The following MTOR variants were observed in gnomAD, a reference collection of about 807,000 sequenced individuals.
MTOR encodes mechanistic target of rapamycin kinase.
In MTOR, 70 loss-of-function variants were observed where a neutral mutation model predicts 319.8. The ratio of observed to expected loss-of-function variants is 0.22; its 90% CI spans 0.18 to 0.27. MTOR has a LOEUF of 0.27. MTOR is among the 10% of genes least tolerant of loss of function. MTOR has a pLI of 1.00. For synonymous variants in MTOR, 1,183 were observed against 1,211.4 expected, an observed-to-expected ratio of 0.98 and a Z score of 0.49; for missense variants, 1,890 against 3,274.4, an observed-to-expected ratio of 0.58 and a Z score of 10.32.
chr1:11,260,093 T>C (rs1216882464), intron 1 of MTOR, among the ~76,000 whole-genome samples: 1 of 152,232 alleles, frequency 6.6e-6, no homozygotes, highest in Non-Finnish European at 1.5e-5. Flanking sequence ...TAATAATTGT[T>C]AGCTATTATT....
In MTOR at chr1:11,129,899, G is replaced by T; in HGVS notation, c.5614-61C>A. 7.1e-7 allele frequency: 1 copy of T among 1,405,026 alleles called. No individual in the cohort carries two copies. The highest frequency in any genetic ancestry group is 1.2e-5 in the South Asian group (1 of 85,074). The allele number at this position is 1,405,026 out of a possible 1,614,324, so 87.0% of individuals were successfully genotyped here. A position where few individuals can be genotyped will look rare whatever the true frequency, so the allele number is the denominator to read the frequency against. ...CTCTGCTTTCTCATCTGTAAAATGG[G>T]CATAAGAGCATACTAACTGTACCTA... is the stretch of plus-strand genomic sequence containing the variant. On this transcript the variant is annotated intron_variant, in intron 39 of 57. Coordinates refer to ENST00000361445, the MANE Select transcript of MTOR (RefSeq NM_004958.4). This position sits in a 1 kb window ranked among gnomAD's most constrained non-coding sequence, Gnocchi z 4.7.
rs578137273 is a variant in MTOR at position 11,135,636 on chromosome 1, C to G, written c.5131-1170G>C. On this transcript the variant is annotated intron_variant, in intron 36 of 57. Coordinates refer to ENST00000361445, the MANE Select transcript of MTOR (RefSeq NM_004958.4). ...ATCACCTGAGGTCAGGAGTTCCAGA[C>G]CAGCCTGGCCAACATGGTGAAACCT... 1.7e-4 allele frequency among the ~76,000 whole-genome samples: 26 copies of G among 152,076 alleles called. No individual in the cohort carries two copies. In the East Asian group the frequency reaches 4.6e-3, roughly 27 times the overall value.
In MTOR at chr1:11,133,032, C is replaced by G. The variant is rs145092514; in HGVS notation, c.5364+48G>C. On this transcript the variant is annotated intron_variant, in intron 38 of 57. Coordinates refer to ENST00000361445, the MANE Select transcript of MTOR (RefSeq NM_004958.4). The surrounding 1 kb of genome is among the most constrained non-coding windows in gnomAD (Gnocchi z 4.0). ...GTAACCACGAGCACACAGGAGGACA[C>G]GAGCCAGCCAGGGTGCTGGGTCTCA... 5.8e-5 allele frequency: 89 copies of G among 1,530,226 alleles called. No individual in the cohort carries two copies. The highest frequency in any genetic ancestry group is 7.3e-5 in the Non-Finnish European group (81 of 1,105,684). 94.8% of individuals were successfully genotyped at this position (1,530,226 alleles called of 1,614,324 possible).
At chr1:11,237,056 T>G (rs778041141) in intron 13 of MTOR, among the ~76,000 whole-genome samples, 1 of 152,212 alleles carries the variant, frequency 6.6e-6, no homozygotes. Flanking sequence ...TTTAAGTTCC[T>G]TATATGTTAT....
At position 11,194,985 on chromosome 1, in the gene MTOR, G is replaced by T; in HGVS notation, c.4253+4273C>A. The T allele has an allele frequency of 1.2e-6, 2 of 1,614,044 alleles. No homozygotes were observed. Among genetic ancestry groups the T allele is most frequent in the Non-Finnish European group, 1.7e-6 (2 of 1,180,022 alleles). ...TGGATCTACCTACTCCCTCAAACGG[G>T]TGGAGATGAAAATCCGCCCAGAAGA... is the stretch of plus-strand genomic sequence containing the variant. On this transcript the variant is annotated intron_variant, in intron 28 of 57. Transcript: ENST00000361445.
In MTOR at chr1:11,115,347, A is replaced by G. The variant is rs376507862; in HGVS notation, c.7089+49T>C. ...GCCTACAGTGTCAGAGGAGGGGGAA[A>G]AGTGATCACCCGGGAAGATGAGGTT... On this transcript the variant is annotated intron_variant, in intron 51 of 57. Coordinates refer to ENST00000361445, the MANE Select transcript of MTOR (RefSeq NM_004958.4). The surrounding 1 kb of genome is among the most constrained non-coding windows in gnomAD (Gnocchi z 4.5). 3.3e-4 allele frequency: 524 copies of G among 1,577,770 alleles called. 2 individuals are homozygous for G. Among genetic ancestry groups the G allele is most frequent in the South Asian group, 8.7e-4 (79 of 90,288 alleles).
intron 21 of MTOR, 42 bp downstream of exon 21, chr1:11,213,357 G>A (rs1427268088): frequency 1.9e-6 from 3 of 1,587,458 alleles, no homozygotes; most frequent in Non-Finnish European, 2.6e-6. Flanking sequence ...GGACTCAGAG[G>A]AAATCAGAAA....
Position 11,109,499 on chromosome 1 carries a change from T to A in MTOR, c.7448-129A>T. 8.2e-7 allele frequency: 1 copy of A among 1,214,126 alleles called. No homozygotes were observed. Among genetic ancestry groups the A allele is most frequent in the Admixed American group, 2.0e-5 (1 of 49,968 alleles). The allele number at this position is 1,214,126 out of a possible 1,614,324, so 75.2% of individuals were successfully genotyped here. Reference sequence around the variant, plus strand: ...AATCCTTCCTCTATGTCCGTCTTTGTCCTCAGAATATAATGAGAAATTCAT... The same window carrying A: ...AATCCTTCCTCTATGTCCGTCTTTGACCTCAGAATATAATGAGAAATTCAT... On this transcript the variant is annotated intron_variant, in intron 55 of 57. Coordinates refer to ENST00000361445, the MANE Select transcript of MTOR (RefSeq NM_004958.4). The surrounding 1 kb of genome is among the most constrained non-coding windows in gnomAD (Gnocchi z 4.0).
In MTOR at chr1:11,259,262, T is replaced by C. The variant is rs1165696382; in HGVS notation, c.148A>G (p.Met50Val). ...CCCAGAAGCACCTCTCGGAGTTCCA[T>C]GGTGACATAGTGCTGGAGCTCCTTG... is the stretch of plus-strand genomic sequence containing the variant. ...AAKELQHYVT[M>V]ELREMSQEES... The change falls in exon 2 of 58, where the codon ATG (methionine) becomes GTG (valine). Residue 50 changes from methionine (M) to valine (V), a missense_variant. Met to Val is a conservative substitution (Grantham distance 21). This residue lies in a region of MTOR where 85 missense variants were observed against 105.8 expected (regional missense o/e 0.80). Coordinates refer to ENST00000361445, the MANE Select transcript of MTOR (RefSeq NM_004958.4). 3 of 1,613,882 alleles carry C rather than the reference T, an allele frequency of 1.9e-6. No homozygotes were observed. Among genetic ancestry groups the C allele is most frequent in the East Asian group, 2.2e-5 (1 of 44,836 alleles).
chr1:11,127,866 T>C lies in MTOR; in HGVS notation c.6034-60A>G, dbSNP rs970056202. The C allele has an allele frequency of 6.3e-7, 1 of 1,587,292 alleles. No homozygotes were observed. Among genetic ancestry groups the C allele is most frequent in the Admixed American group, 1.8e-5 (1 of 57,026 alleles). On this transcript the variant is annotated intron_variant, in intron 43 of 57. Transcript: ENST00000361445. This position sits in a 1 kb window ranked among gnomAD's most constrained non-coding sequence, Gnocchi z 5.5. ...AATCAGCTAACCTCAGAAAGGTCTG[T>C]TTTGGAGACACAGGAGGTACTATTT...
intron 15 of MTOR, 94 bp from the exon 16 acceptor site, chr1:11,232,622 C>A: frequency 1.0e-6 from 1 of 994,914 alleles, no homozygotes; most frequent in South Asian, 1.4e-5. Context: ...TGCCTGTAAT[C>A]CCAGCACTTT....
chr1:11,228,963 CG>C, intron 18 of MTOR, 45 bp from the exon 19 acceptor site: 4 of 1,603,428 alleles, frequency 2.5e-6, no homozygotes, highest in Non-Finnish European at 3.4e-6. Flanking sequence ...CATGGCATGA[CG>C]TGACTTCAGG....
chr1:11,209,225 G>A (rs189711970), intron 25 of MTOR, 87 bp downstream of exon 25: 23 of 1,523,642 alleles, frequency 1.5e-5, no homozygotes, highest in South Asian at 7.3e-5. Flanking sequence ...GCTGGTTTTC[G>A]GTTGCCCAGT....
intron 21 of MTOR, among the ~76,000 whole-genome samples, 169 bp downstream of exon 21, chr1:11,213,230 T>A (rs1646365445): frequency 6.6e-6 from 1 of 152,234 alleles, no homozygotes; most frequent in South Asian, 2.1e-4. Context: ...AAGAGAGGAT[T>A]ACAGACATTC....
At chr1:11,203,783 C>T (rs1227833774) in intron 26 of MTOR, among the ~76,000 whole-genome samples, 2 of 152,242 alleles carry the variant, frequency 1.3e-5, no homozygotes, top group Non-Finnish European at 2.9e-5. Flanking sequence ...GAGGTGGGTG[C>T]CCATGTCTTC....
At chr1:11,230,888 G>A (rs1252694945) in intron 18 of MTOR, 37 bp downstream of exon 18, 1 of 1,612,480 alleles carries the variant, frequency 6.2e-7, no homozygotes, top group African/African-American at 1.3e-5. Context: ...CTGTGAGTGA[G>A]AACTTGGCAA....
In MTOR at chr1:11,259,406, G is replaced by C. The variant is rs1471222130; in HGVS notation, c.4C>G (p.Leu2Val). Reference protein sequence around the residue: MLGTGPAAATTA... With the variant: MVGTGPAAATTA... ...GTGGCGGCGGCAGGTCCGGTTCCAA[G>C]CATCTTGCCCTGAGGTTCTTTAGAG... is the stretch of plus-strand genomic sequence containing the variant. The change falls in exon 2 of 58, where the codon CTT becomes GTT. Residue 2 changes from leucine to valine, a missense_variant. Transcript: ENST00000361445. The C allele has an allele frequency of 6.4e-7, 1 of 1,567,978 alleles. No homozygotes were observed. The highest frequency in any genetic ancestry group is 1.7e-4 in the Middle Eastern group (1 of 5,818).
chr1:11,231,161 A>G, intron 17 of MTOR, 107 bp from the exon 18 acceptor site: 1 of 1,588,310 alleles, frequency 6.3e-7, no homozygotes, highest in Non-Finnish European at 8.6e-7. Flanking sequence ...TCATATCCAA[A>G]TGACCAGCTA....
intron 9 of MTOR, among the ~76,000 whole-genome samples, chr1:11,242,426 AGAG>A (rs1359314852): frequency 1.5e-5 from 2 of 136,466 alleles, no homozygotes; most frequent in African/African-American, 2.6e-5. Context: ...CTTGAACCTG[AGAG>A]GAGGAGGTTG....
Sources: allele counts gnomAD v4.1 joint callset (sites outside exome capture counted in the v4.1 genomes callset), GRCh38; gene constraint gnomAD v4.1.1; regional missense constraint gnomAD v4.1.1; non-coding constraint Gnocchi (gnomAD v3.1); transcripts MANE v1.5; gene names NCBI Gene and HGNC (gene_info 2026-07-23, HGNC 2026-07-21).